Variants in GGCX observed in about 807,000 individuals in gnomAD.
The protein encoded by GGCX is vitamin K-dependent gamma-carboxylase.
In GGCX, 63 loss-of-function variants were observed where a neutral mutation model predicts 88.5. The ratio of observed to expected loss-of-function variants is 0.71; its 90% CI spans 0.58 to 0.88. GGCX has a LOEUF of 0.88. Ranked by LOEUF, GGCX falls within the 40% of genes least tolerant of loss-of-function variation. GGCX has a pLI of 0.00. For missense variants in GGCX, 805 were observed against 932.9 expected (o/e 0.86, Z 1.79); for synonymous variants, 368 against 365.8 (o/e 1.01, Z -0.07).
chr2:85,553,614 T>G (rs1367161134), intron 7 of GGCX, 117 bp from the exon 8 acceptor site: 2 of 1,015,924 alleles, frequency 2.0e-6, no homozygotes, highest in Non-Finnish European at 3.1e-6. Flanking sequence ...TTCTTCTTTT[T>G]TTTTTGAGAC....
chr2:85,553,506 G>C lies in GGCX; in HGVS notation c.890-9C>G, dbSNP rs1692069282. On this transcript the variant is annotated splice_polypyrimidine_tract_variant and intron_variant, in intron 7 of 14. Transcript: ENST00000233838. ...GACGTAGGAGAACATACCTAGGAAA[G>C]CAGGGAGAAAATACATATTTCAGGA... 6.2e-7 allele frequency: 1 copy of C among 1,613,188 alleles called. No homozygotes were observed. The highest frequency in any genetic ancestry group is 2.2e-5 in the East Asian group (1 of 44,894).
At position 85,556,218 on chromosome 2, in the gene GGCX, G is replaced by GT; in HGVS notation, c.581dup (p.His194GlnfsTer32). The GT allele has an allele frequency of 6.2e-7, 1 of 1,612,998 alleles. No homozygotes were observed. The highest frequency in any genetic ancestry group is 8.5e-7 in the Non-Finnish European group (1 of 1,178,970). On this transcript the variant is annotated frameshift_variant, in exon 5 of 15. Transcript: ENST00000233838. LOFTEE classifies it high-confidence loss of function. ...GCACTGCATAGTTCCAAAGGGGCACGTGGGCATTCCTCCTATGGGCATTCA... is the reference window on the plus strand; with the variant it reads ...GCACTGCATAGTTCCAAAGGGGCACGTTGGGCATTCCTCCTATGGGCATTCA...
At chr2:85,561,278 G>GCCCCCCC (rs1692444943) in intron 1 of GGCX, 108 bp downstream of exon 1, 17 of 568,476 alleles carry the variant, frequency 3.0e-5, no homozygotes, top group South Asian at 6.1e-5. Flanking sequence ...CCCCACAGAG[G>GCCCCCCC]ACCCCCCCCC....
chr2:85,560,018 G>A (rs1692363776), intron 2 of GGCX, among the ~76,000 whole-genome samples: 1 of 152,150 alleles, frequency 6.6e-6, no homozygotes, highest in Non-Finnish European at 1.5e-5. Flanking sequence ...CCCAAGTTGT[G>A]ACAACTAAAA....
rs770027567 is a variant in GGCX, at chr2:85,552,973, C to A, written c.1253G>T (p.Gly418Val). The A allele has an allele frequency of 9.3e-6, 15 of 1,614,190 alleles. No individual in the cohort carries two copies. The highest frequency in any genetic ancestry group is 1.2e-5 in the Non-Finnish European group (14 of 1,179,990). ...HQHVKITYRD[G>V]RTGELGYLNP... is the part of the protein sequence containing the mutation. ...AAGGTAGCCCAGTTCGCCAGTGCGGCCATCACGGTAGGTGATCTTCACGTG... is the reference window on the plus strand; with the variant it reads ...AAGGTAGCCCAGTTCGCCAGTGCGGACATCACGGTAGGTGATCTTCACGTG... The change falls in exon 9 of 15, where the codon GGC becomes GTC. Residue 418 changes from glycine (G) to valine (V), a missense_variant. By Grantham distance (109) the Gly-to-Val change is moderately radical. Coordinates refer to ENST00000233838, the MANE Select transcript of GGCX (RefSeq NM_000821.7).
chr2:85,555,290 TA>T lies in GGCX; in HGVS notation c.725+193del, dbSNP rs1171016819. ...TCCTTTCTTGCCTATCTATACCATA[TA>T]TCTCCCAAGAGCAGCTAGGGCTCAA... On this transcript the variant is annotated intron_variant, in intron 6 of 14. Transcript: ENST00000233838. 6.7e-4 allele frequency: 365 copies of T among 548,590 alleles called. 2 individuals carry two copies. The highest frequency in any genetic ancestry group is 6.4e-3 in the African/African-American group (338 of 52,454). 34.0% of individuals were successfully genotyped at this position (548,590 alleles called of 1,614,324 possible).
intron 4 of GGCX, among the ~76,000 whole-genome samples, chr2:85,557,978 G>A (rs560862258): frequency 6.6e-6 from 1 of 152,100 alleles, no homozygotes; most frequent in South Asian, 2.1e-4. Context: ...TACCTCCTCC[G>A]AGAACAGCAA....
chr2:85,559,969 AC>A (rs1363284713), intron 2 of GGCX, among the ~76,000 whole-genome samples: 4 of 152,032 alleles, frequency 2.6e-5, no homozygotes, highest in Non-Finnish European at 4.4e-5. Flanking sequence ...GCACTCCCTG[AC>A]CTCTATAGAG....
chr2:85,554,836 A>G (rs763531915), intron 6 of GGCX: 12 of 190,370 alleles, frequency 6.3e-5, no homozygotes, highest in Non-Finnish European at 1.2e-4. Context: ...AAGCAAGGGC[A>G]GATCTCCTAG....
In GGCX at chr2:85,546,056, C is replaced by T. The variant is rs768855729; in HGVS notation, c.*3878G>A. On this transcript the variant is annotated 3_prime_UTR_variant, in exon 15 of 15. Transcript: ENST00000233838. ...TACCAACATCTGAATGGTGGTCCAG[C>T]TTGTCCTGCAAATGTAGAGCCAAGG... 27 of 152,244 alleles carry T rather than the reference C, an allele frequency of 1.8e-4. 1 individual carries two copies. Among genetic ancestry groups the T allele is most frequent in the Admixed American group, 5.9e-4 (9 of 15,286 alleles). The allele number at this position is 152,244 out of a possible 1,614,324, so 9.4% of individuals were successfully genotyped here. A position where few individuals can be genotyped will look rare whatever the true frequency, so the allele number is the denominator to read the frequency against.
chr2:85,556,290 G>A, intron 4 of GGCX, 30 bp from the exon 5 acceptor site: 1 of 1,401,482 alleles, frequency 7.1e-7, no homozygotes, highest in Non-Finnish European at 1.0e-6. Flanking sequence ...CATTGAGGGG[G>A]GAGCTGCTTA....
intron 5 of GGCX, among the ~76,000 whole-genome samples, chr2:85,555,816 C>T (rs1320950089): frequency 6.6e-6 from 1 of 151,888 alleles, no homozygotes. Flanking sequence ...AAGAATAGAC[C>T]CCATCTTCTA....
chr2:85,559,858 T>C lies in GGCX; in HGVS notation c.215-783A>G, dbSNP rs571005857. ...AGGCTACTCAGATCAGGAAGCCAGC[T>C]TGAGATAAAGCAGGGTTTCTCAACT... On this transcript the variant is annotated intron_variant, in intron 2 of 14. Transcript: ENST00000233838. Among the ~76,000 whole-genome samples the C allele has an allele frequency of 1.1e-3, 162 of 152,332 alleles. 1 individual carries two copies. The highest frequency in any genetic ancestry group is 3.8e-3 in the African/African-American group (156 of 41,576).
At position 85,548,112 on chromosome 2, in the gene GGCX, G is replaced by A. The variant is rs903511515; in HGVS notation, c.*1822C>T. 2.6e-5 allele frequency: 4 copies of A among 152,150 alleles called. No homozygotes were observed. Among genetic ancestry groups the A allele is most frequent in the Admixed American group, 6.5e-5 (1 of 15,274 alleles). 9.4% of individuals were successfully genotyped at this position (152,150 alleles called of 1,614,324 possible). ...CATGGGAGGCTGAAGTGGAAGAATCGTTTAAACCCAGGAGGTGGTGGCTGC... is the reference window on the plus strand; with the variant it reads ...CATGGGAGGCTGAAGTGGAAGAATCATTTAAACCCAGGAGGTGGTGGCTGC... On this transcript the variant is annotated 3_prime_UTR_variant, in exon 15 of 15. Transcript: ENST00000233838.
At chr2:85,559,328 A>G (rs1166909589) in intron 2 of GGCX, among the ~76,000 whole-genome samples, 1 of 152,208 alleles carries the variant, frequency 6.6e-6, no homozygotes, top group African/African-American at 2.4e-5. Context: ...ACAGGACTAC[A>G]GAGAGGATTA....
At position 85,546,420 on chromosome 2, in the gene GGCX, A is replaced by T. The variant is rs989465173; in HGVS notation, c.*3514T>A. 6.6e-6 allele frequency: 1 copy of T among 151,988 alleles called. No homozygotes were observed. The highest frequency in any genetic ancestry group is 1.9e-4 in the East Asian group (1 of 5,188). 9.4% of individuals were successfully genotyped at this position (151,988 alleles called of 1,614,324 possible). ...CCAGGGTAACAGAGTGAGACTTAAA[A>T]AAAAAGCCGTGGAAATCTGGGTATG... On this transcript the variant is annotated 3_prime_UTR_variant, in exon 15 of 15. Coordinates refer to ENST00000233838, the MANE Select transcript of GGCX (RefSeq NM_000821.7).
At chr2:85,561,278 G>GCCCCCCCCCCCCCCC (rs1692444943) in intron 1 of GGCX, 108 bp downstream of exon 1, 5 of 568,484 alleles carry the variant, frequency 8.8e-6, no homozygotes, top group African/African-American at 4.5e-5. Flanking sequence ...CCCCACAGAG[G>GCCCCCCCCCCCCCCC]ACCCCCCCCC....
chr2:85,549,891 G>C lies in GGCX; in HGVS notation c.*43C>G. ...AATGTCCATTGCATAGAATGGGTCT[G>C]TGACTGGCTGCTTCTACATCTGCAC... is the stretch of plus-strand genomic sequence containing the variant. On this transcript the variant is annotated 3_prime_UTR_variant, in exon 15 of 15. Coordinates refer to ENST00000233838, the MANE Select transcript of GGCX (RefSeq NM_000821.7). 3.7e-6 allele frequency: 5 copies of C among 1,334,972 alleles called. No homozygotes were observed. Among genetic ancestry groups the C allele is most frequent in the Non-Finnish European group, 4.3e-6 (4 of 930,604 alleles). 82.7% of individuals were successfully genotyped at this position (1,334,972 alleles called of 1,614,324 possible).
Position 85,549,995 on chromosome 2 carries a change from G to A in GGCX, c.2216C>T (p.Thr739Met), listed in dbSNP as rs377054862. 23 of 1,612,810 alleles carry A rather than the reference G, an allele frequency of 1.4e-5. No homozygotes were observed. Among genetic ancestry groups the A allele is most frequent in the Admixed American group, 1.0e-4 (6 of 59,988 alleles). ...AGGAGGATTAGAATGTGAAGAATCC[G>A]TGTTTGAGGGATTCAGTTCTCCAAC... is the stretch of plus-strand genomic sequence containing the variant. ...EAVGELNPSN[T>M]DSSHSNPPES... Residue 739 changes from threonine (T) to methionine (M), a missense_variant, in exon 15 of 15, where the codon ACG becomes ATG. Around this residue, in one of 3 missense-constraint regions of GGCX, gnomAD observed 680 missense variants for 763.7 expected, o/e 0.89. Coordinates refer to ENST00000233838, the MANE Select transcript of GGCX (RefSeq NM_000821.7).
Sources: allele counts gnomAD v4.1 joint callset (sites outside exome capture counted in the v4.1 genomes callset), GRCh38; gene constraint gnomAD v4.1.1; regional missense constraint gnomAD v4.1.1; transcripts MANE v1.5; gene names NCBI Gene and HGNC (gene_info 2026-07-23, HGNC 2026-07-21).